Variants in GPR89B observed in about 807,000 individuals in gnomAD.
GPR89B encodes the protein golgi pH regulator B.
A neutral mutation model predicts 52.4 loss-of-function variants in GPR89B; 25 were observed. The observed-to-expected ratio is 0.48, with a 90% CI of 0.35 to 0.67. The LOEUF (loss-of-function observed/expected upper bound fraction) is 0.67. Ranked by LOEUF, GPR89B falls within the 30% of genes least tolerant of loss-of-function variation. GPR89B has a pLI of 0.01. For synonymous variants in GPR89B, 52 were observed against 151.2 expected (o/e 0.34, Z 4.81); for missense variants, 146 against 450.2 (o/e 0.32, Z 6.11).
rs373823374 is a variant in GPR89B, at chr1:147,931,022, TAAC to T, written c.42+2449_42+2451del. Among the ~76,000 whole-genome samples, 151 of 152,172 alleles carry T rather than the reference TAAC, an allele frequency of 9.9e-4. 1 individual carries two copies. The East Asian group carries it at 0.013, about 13-fold the overall frequency. On this transcript the variant is annotated intron_variant, in intron 1 of 13. Transcript: ENST00000314163. ...TAGTACCCTTCACCTACTTCCCCTGTAACAACACTACCACATTGTTTTGTAATT... is the reference window on the plus strand; with the variant it reads ...TAGTACCCTTCACCTACTTCCCCTGTAACACTACCACATTGTTTTGTAATT...
chr1:147,970,541 ATC>A (rs1230663138), intron 10 of GPR89B, among the ~76,000 whole-genome samples: 12 of 94,580 alleles, frequency 1.3e-4, no homozygotes, highest in African/African-American at 4.8e-4. Context: ...CTCTATCTCT[ATC>A]TCTCTCTCTC....
chr1:147,995,817 C>G (rs1447558690), downstream of GPR89B: 1 of 1,564,864 alleles, frequency 6.4e-7, no homozygotes, highest in Admixed American at 1.7e-5. Context: ...AGCACATTCA[C>G]CCCATTCACT....
intron 9 of GPR89B, 192 bp from the exon 10 acceptor site, chr1:147,969,675 T>G: frequency 1.7e-6 from 1 of 587,614 alleles, no homozygotes; most frequent in South Asian, 2.0e-5. Flanking sequence ...ATGTAAGATG[T>G]TTATCCCAGT....
At chr1:147,992,455 A>T in intron 12 of GPR89B, 47 bp from the exon 13 acceptor site, 1 of 1,599,034 alleles carries the variant, frequency 6.3e-7, no homozygotes, top group Non-Finnish European at 8.6e-7. Context: ...TTCGTGACAC[A>T]GGAATCTAAC....
chr1:147,950,610 G>A (rs1255498215), intron 5 of GPR89B, among the ~76,000 whole-genome samples: 3 of 152,204 alleles, frequency 2.0e-5, no homozygotes, highest in Admixed American at 6.5e-5. Context: ...GTAGTGAGCC[G>A]AGATCACGCC....
intron 5 of GPR89B, among the ~76,000 whole-genome samples, chr1:147,950,458 C>T (rs1295504992): frequency 6.6e-6 from 1 of 151,072 alleles, no homozygotes; most frequent in Non-Finnish European, 1.5e-5. Flanking sequence ...GACTGGGTAG[C>T]CAGGCAGAGG....
chr1:147,997,462 C>T (rs1192061069), downstream of GPR89B, among the ~76,000 whole-genome samples: 1 of 152,080 alleles, frequency 6.6e-6, no homozygotes, highest in Non-Finnish European at 1.5e-5. Flanking sequence ...ACTCTAAGAT[C>T]TACAGCCGCA....
chr1:148,023,339 CCAT>C, the GPR89B span, among the ~76,000 whole-genome samples: 1 of 146,204 alleles, frequency 6.8e-6, no homozygotes, highest in African/African-American at 2.7e-5. Flanking sequence ...ATTTAATCCA[CCAT>C]TGATGGGCAC....
At chr1:147,944,880 T>C (rs1444212790) in intron 5 of GPR89B, among the ~76,000 whole-genome samples, 5 of 151,782 alleles carry the variant, frequency 3.3e-5, no homozygotes, top group Non-Finnish European at 7.4e-5. Flanking sequence ...GGTTTCATGC[T>C]GGAACCTTTT....
At chr1:147,950,152 G>A (rs1359415627) in intron 5 of GPR89B, among the ~76,000 whole-genome samples, 3 of 150,720 alleles carry the variant, frequency 2.0e-5, no homozygotes, top group South Asian at 2.1e-4. Context: ...TGGCTGCCGG[G>A]CGGAGGGGCT....
chr1:147,939,001 A>G (rs1389220480), intron 3 of GPR89B, among the ~76,000 whole-genome samples, 184 bp downstream of exon 3: 1 of 136,718 alleles, frequency 7.3e-6, no homozygotes, highest in Admixed American at 7.5e-5. Context: ...GATAAAGATT[A>G]TGAGATACCA....
In GPR89B at chr1:147,986,296, T is replaced by A; in HGVS notation, c.1005+2T>A. 3 of 1,611,080 alleles carry A rather than the reference T, an allele frequency of 1.9e-6. No individual in the cohort carries two copies. The highest frequency in any genetic ancestry group is 2.5e-6 in the Non-Finnish European group (3 of 1,179,230). Reference sequence around the variant, plus strand: ...AATTATCTGGGAATCCAATTTGATGTAAGTGTTATATCAAGATCCTGGTTT... The same window carrying A: ...AATTATCTGGGAATCCAATTTGATGAAAGTGTTATATCAAGATCCTGGTTT... On this transcript the variant is annotated splice_donor_variant, in intron 11 of 13. Coordinates refer to ENST00000314163, the MANE Select transcript of GPR89B (RefSeq NM_016334.5). LOFTEE classifies it high-confidence loss of function.
chr1:148,007,251 A>G, the GPR89B span, among the ~76,000 whole-genome samples: 1 of 149,774 alleles, frequency 6.7e-6, no homozygotes, highest in Non-Finnish European at 1.5e-5. Context: ...AATTTTTTGT[A>G]TTTTTAGTAG....
intron 10 of GPR89B, among the ~76,000 whole-genome samples, chr1:147,981,173 A>G (rs1658220044): frequency 6.8e-6 from 1 of 147,324 alleles, no homozygotes; most frequent in Admixed American, 6.8e-5. Flanking sequence ...GTATCTATCA[A>G]TATTTCATTC....
the GPR89B span, chr1:148,021,974 G>T: frequency 6.7e-6 from 1 of 148,700 alleles, no homozygotes; most frequent in Non-Finnish European, 1.5e-5. Flanking sequence ...GTTAAGAGCC[G>T]CTGACAAATC....
At chr1:148,000,196 G>A in the GPR89B span, among the ~76,000 whole-genome samples, 1 of 150,584 alleles carries the variant, frequency 6.6e-6, no homozygotes, top group African/African-American at 2.5e-5. Flanking sequence ...AATATTTTGA[G>A]TATTAATTAC....
At chr1:147,979,195 TGA>T (rs1170115314) in intron 10 of GPR89B, among the ~76,000 whole-genome samples, 1 of 152,040 alleles carries the variant, frequency 6.6e-6, no homozygotes, top group Non-Finnish European at 1.5e-5. Context: ...TCAGTCCCAA[TGA>T]GAGAACCTGG....
Position 147,992,977 on chromosome 1 carries a change from G to GT in GPR89B, c.*60_*61insT, listed in dbSNP as rs1659173665. On this transcript the variant is annotated 3_prime_UTR_variant, in exon 14 of 14. Transcript: ENST00000314163. Reference sequence around the variant, plus strand: ...GTTTCAAAATTTAGATATAAGAGGGGGGAAAAATGGAACCAGGGCCTGACA... The same window carrying GT: ...GTTTCAAAATTTAGATATAAGAGGGGTGGAAAAATGGAACCAGGGCCTGACA... The GT allele has an allele frequency of 7.4e-7, 1 of 1,345,696 alleles. No individual in the cohort carries two copies. Among genetic ancestry groups the GT allele is most frequent in the African/African-American group, 1.5e-5 (1 of 65,576 alleles). 83.4% of individuals were successfully genotyped at this position (1,345,696 alleles called of 1,614,324 possible). A position where few individuals can be genotyped will look rare whatever the true frequency, so the allele number is the denominator to read the frequency against.
the GPR89B span, among the ~76,000 whole-genome samples, chr1:148,023,026 G>C: frequency 1.3e-5 from 2 of 151,998 alleles, no homozygotes; most frequent in Non-Finnish European, 2.9e-5. Flanking sequence ...TGTTACATGG[G>C]TATATTGGGT....
Sources: allele counts gnomAD v4.1 joint callset (sites outside exome capture counted in the v4.1 genomes callset), GRCh38; gene constraint gnomAD v4.1.1; transcripts MANE v1.5; gene names NCBI Gene and HGNC (gene_info 2026-07-23, HGNC 2026-07-21).